SRD5A2: variants seen among roughly 807,000 people sequenced by gnomAD.
SRD5A2 encodes 3-oxo-5-alpha-steroid 4-dehydrogenase 2.
In SRD5A2, 30 loss-of-function variants were observed where a neutral mutation model predicts 27.4. The ratio of observed to expected loss-of-function variants is 1.10; its 90% CI spans 0.82 to 1.49. The LOEUF is 1.49. Among genes scored for constraint, SRD5A2 ranks in the 40% most tolerant of loss-of-function variants. The pLI, the probability that SRD5A2 is intolerant of heterozygous loss-of-function variation, is 0.00. For synonymous variants in SRD5A2, 141 were observed against 133.6 expected, an observed-to-expected ratio of 1.06 and a Z score of -0.38; for missense variants, 348 against 323.4, an observed-to-expected ratio of 1.08 and a Z score of -0.58.
At chr2:31,564,547 A>C (rs1166366113) in intron 1 of SRD5A2, among the ~76,000 whole-genome samples, 1 of 151,826 alleles carries the variant, frequency 6.6e-6, no homozygotes, top group African/African-American at 2.4e-5. Context: ...TCATGGATTC[A>C]AGTTTAAGGA....
the SRD5A2 span, among the ~76,000 whole-genome samples, chr2:31,588,187 G>C: frequency 1.3e-5 from 2 of 151,854 alleles, no homozygotes; most frequent in Non-Finnish European, 2.9e-5. Flanking sequence ...AAGAGAGAGG[G>C]GTGGAAAGTT....
chr2:31,652,728 G>A, the SRD5A2 span, among the ~76,000 whole-genome samples: 10 of 152,206 alleles, frequency 6.6e-5, no homozygotes, highest in Non-Finnish European at 1.3e-4. Context: ...AATACATCCA[G>A]AAGTGCCAAA....
At chr2:31,572,348 G>A (rs758506755) in intron 1 of SRD5A2, among the ~76,000 whole-genome samples, 14 of 152,092 alleles carry the variant, frequency 9.2e-5, no homozygotes, top group Non-Finnish European at 1.9e-4. Flanking sequence ...AATACCTATC[G>A]GGTAGTATGC....
chr2:31,537,863 A>G (rs1057437354), intron 1 of SRD5A2, among the ~76,000 whole-genome samples: 6 of 152,050 alleles, frequency 3.9e-5, no homozygotes, highest in Admixed American at 2.6e-4. Flanking sequence ...GAGGGAGTGG[A>G]TTTGTTCATT....
intron 1 of SRD5A2, among the ~76,000 whole-genome samples, chr2:31,571,467 C>T (rs1666847857): frequency 6.6e-6 from 1 of 152,074 alleles, no homozygotes; most frequent in African/African-American, 2.4e-5. Context: ...CTGGCAAAGA[C>T]CTCATGACAA....
At chr2:31,660,490 C>A in the SRD5A2 span, among the ~76,000 whole-genome samples, 2 of 152,020 alleles carry the variant, frequency 1.3e-5, no homozygotes, top group African/African-American at 4.8e-5. Context: ...ATAGAATGAA[C>A]ACCAAGAGTG....
At position 31,524,722 on chromosome 2, in the gene SRD5A2, ACC is replaced by A. The variant is rs1665734875; in HGVS notation, c.*1472_*1473del. On this transcript the variant is annotated 3_prime_UTR_variant, in exon 5 of 5. Coordinates refer to ENST00000622030, the MANE Select transcript of SRD5A2 (RefSeq NM_000348.4). ...TATATAGTGAGTTTCTGTGCTTAGTACCACTGGTGCTCATTTGTCAAAACAGT... is the reference window on the plus strand; with the variant it reads ...TATATAGTGAGTTTCTGTGCTTAGTAACTGGTGCTCATTTGTCAAAACAGT... 1 of 230,762 alleles carries A rather than the reference ACC, an allele frequency of 4.3e-6. No individual in the cohort carries two copies. Among genetic ancestry groups the A allele is most frequent in the Non-Finnish European group, 8.6e-6 (1 of 116,526 alleles). The allele number at this position is 230,762 out of a possible 1,614,324, so 14.3% of individuals were successfully genotyped here.
At chr2:31,632,183 G>A in the SRD5A2 span, among the ~76,000 whole-genome samples, 2 of 152,010 alleles carry the variant, frequency 1.3e-5, no homozygotes, top group African/African-American at 4.8e-5. Context: ...TGGCAACCTT[G>A]GTTTTTTATA....
rs944781611 is a variant in SRD5A2 at position 31,525,157 on chromosome 2, A to G, written c.*1039T>C. 10 of 221,706 alleles carry G rather than the reference A, an allele frequency of 4.5e-5. No individual in the cohort carries two copies. The highest frequency in any genetic ancestry group is 8.1e-5 in the Non-Finnish European group (9 of 110,792). The allele number at this position is 221,706 out of a possible 1,614,324, so 13.7% of individuals were successfully genotyped here. A position where few individuals can be genotyped will look rare whatever the true frequency, so the allele number is the denominator to read the frequency against. On this transcript the variant is annotated 3_prime_UTR_variant, in exon 5 of 5. Coordinates refer to ENST00000622030, the MANE Select transcript of SRD5A2 (RefSeq NM_000348.4). ...TGCAGGTCCTTTGAGGGAGGCATTC[A>G]GGCTGCCCCTAGGAGACACCTTCTT...
intron 1 of SRD5A2, among the ~76,000 whole-genome samples, chr2:31,571,976 G>A (rs1330795237): frequency 1.3e-5 from 2 of 152,168 alleles, no homozygotes; most frequent in African/African-American, 4.8e-5. Flanking sequence ...TCCCATTATT[G>A]GGTATATCCC....
At chr2:31,643,133 A>G in the SRD5A2 span, among the ~76,000 whole-genome samples, 3 of 152,110 alleles carry the variant, frequency 2.0e-5, no homozygotes, top group African/African-American at 7.2e-5. Context: ...AAAATTCATC[A>G]AATAGTCCTC....
chr2:31,631,081 C>T, the SRD5A2 span, among the ~76,000 whole-genome samples: 2 of 152,202 alleles, frequency 1.3e-5, no homozygotes, highest in Admixed American at 1.3e-4. Context: ...CCAATCCTGA[C>T]TCAAAAGGTT....
chr2:31,607,768 A>G, the SRD5A2 span, among the ~76,000 whole-genome samples: 2 of 152,024 alleles, frequency 1.3e-5, no homozygotes, highest in Non-Finnish European at 2.9e-5. Context: ...AAAATTATGT[A>G]ATCCATATGT....
In SRD5A2 at chr2:31,523,963, C is replaced by T. The variant is rs1251521581; in HGVS notation, c.*2233G>A. On this transcript the variant is annotated 3_prime_UTR_variant, in exon 5 of 5. Coordinates refer to ENST00000622030, the MANE Select transcript of SRD5A2 (RefSeq NM_000348.4). ...CCTATATTCAGATTAAGAAGTTCCA[C>T]GATCATGCTAACTTGAAAGGTCCAC... The T allele has an allele frequency of 2.3e-5, 5 of 217,782 alleles. No individual in the cohort carries two copies. Among genetic ancestry groups the T allele is most frequent in the African/African-American group, 1.1e-4 (5 of 44,462 alleles). The allele number at this position is 217,782 out of a possible 1,614,324, so 13.5% of individuals were successfully genotyped here.
the SRD5A2 span, among the ~76,000 whole-genome samples, chr2:31,624,246 T>C: frequency 6.6e-6 from 1 of 151,968 alleles, no homozygotes; most frequent in Non-Finnish European, 1.5e-5. Context: ...AATTATACTC[T>C]TTTAGTTACT....
At chr2:31,632,748 A>G in the SRD5A2 span, among the ~76,000 whole-genome samples, 4 of 152,234 alleles carry the variant, frequency 2.6e-5, no homozygotes, top group South Asian at 8.3e-4. Context: ...CTCTTTTCAC[A>G]TGCCTTTCTA....
At chr2:31,629,166 T>A in the SRD5A2 span, among the ~76,000 whole-genome samples, 1 of 152,136 alleles carries the variant, frequency 6.6e-6, no homozygotes, top group African/African-American at 2.4e-5. Flanking sequence ...TTTGTCCTAA[T>A]TGAGCAAAAC....
At chr2:31,602,640 C>T in the SRD5A2 span, among the ~76,000 whole-genome samples, 1 of 151,906 alleles carries the variant, frequency 6.6e-6, no homozygotes, top group East Asian at 1.9e-4. Context: ...CGATATCATG[C>T]TACCCAACTT....
At chr2:31,557,567 G>C (rs1666525425) in intron 1 of SRD5A2, among the ~76,000 whole-genome samples, 1 of 152,016 alleles carries the variant, frequency 6.6e-6, no homozygotes, top group South Asian at 2.1e-4. Flanking sequence ...TCAACAATTT[G>C]TTTTAATTTT....
Sources: allele counts gnomAD v4.1 joint callset (sites outside exome capture counted in the v4.1 genomes callset), GRCh38; gene constraint gnomAD v4.1.1; transcripts MANE v1.5; gene names NCBI Gene and HGNC (gene_info 2026-07-23, HGNC 2026-07-21).